AHRR: variants seen among roughly 807,000 people sequenced by gnomAD.
AHRR encodes ahR repressor.
AHRR carries 28 observed loss-of-function variants against 44.0 expected under a neutral mutation model. That is an observed-to-expected ratio of 0.64 (90% confidence interval 0.47 to 0.87). The LOEUF is 0.87. AHRR is among the 40% of genes least tolerant of loss of function. The probability of loss-of-function intolerance (pLI) is 0.00; values close to 1 mark genes in which losing one functional copy is unlikely to be tolerated. For synonymous variants in AHRR, 434 were observed against 407.0 expected (o/e 1.07, Z -0.80); for missense variants, 990 against 953.9 (o/e 1.04, Z -0.50).
intron 3 of AHRR, 120 bp from the exon 4 acceptor site, chr5:376,490 G>T: frequency 2.6e-5 from 1 of 38,862 alleles, no homozygotes. Flanking sequence ...GTGCAGCCCA[G>T]GCCAGATGTC....
At chr5:364,049 T>G (rs937916662) in intron 3 of AHRR, among the ~76,000 whole-genome samples, 7 of 152,354 alleles carry the variant, frequency 4.6e-5, no homozygotes, top group African/African-American at 1.4e-4. Flanking sequence ...ATTGGCTACT[T>G]AATGCAGTCT....
chr5:367,212 G>A (rs1435281176), intron 3 of AHRR, among the ~76,000 whole-genome samples: 2 of 152,236 alleles, frequency 1.3e-5, no homozygotes, highest in Non-Finnish European at 1.5e-5. Flanking sequence ...CACCCTGGAG[G>A]AGCTGGGGGG....
intron 7 of AHRR, among the ~76,000 whole-genome samples, chr5:427,245 G>A (rs1736457052): frequency 1.3e-5 from 2 of 152,214 alleles, no homozygotes; most frequent in African/African-American, 4.8e-5. Flanking sequence ...CCTTTGTAGA[G>A]AGATATTTTA....
intron 4 of AHRR, among the ~76,000 whole-genome samples, chr5:382,225 A>T (rs1734014178): frequency 6.6e-6 from 1 of 152,214 alleles, no homozygotes. Flanking sequence ...TTTCTGGAAG[A>T]CATTGTGTAG....
Position 406,532 on chromosome 5 carries a change from T to G in AHRR, c.352-6812T>G, listed in dbSNP as rs1358969150. On this transcript the variant is annotated intron_variant, in intron 4 of 10. Coordinates refer to ENST00000684583, the MANE Select transcript of AHRR (RefSeq NM_001377236.1). The surrounding 1 kb of genome is among the most constrained non-coding windows in gnomAD (Gnocchi z 4.7). ...GTCCACTTGTTCTTAGAAGGAAATT[T>G]CAGGAAAACGTTAAGAAACAGAAAA... Among the ~76,000 whole-genome samples, 1 of 152,184 alleles carries G rather than the reference T, an allele frequency of 6.6e-6. No individual in the cohort carries two copies. The highest frequency in any genetic ancestry group is 1.5e-5 in the Non-Finnish European group (1 of 68,022).
intron 3 of AHRR, among the ~76,000 whole-genome samples, chr5:373,047 G>T (rs77512435): frequency 6.6e-6 from 1 of 152,194 alleles, no homozygotes; most frequent in Non-Finnish European, 1.5e-5. Context: ...TTCCAAATGA[G>T]CCCCTTCTTG....
intron 1 of AHRR, among the ~76,000 whole-genome samples, chr5:334,188 T>G (rs1742038238): frequency 6.6e-6 from 1 of 152,182 alleles, no homozygotes; most frequent in Non-Finnish European, 1.5e-5. Flanking sequence ...TGGTGCACTG[T>G]GGTAGTGTCT....
intron 4 of AHRR, among the ~76,000 whole-genome samples, chr5:382,511 C>A (rs1393706501): frequency 6.6e-6 from 1 of 152,082 alleles, no homozygotes; most frequent in African/African-American, 2.4e-5. Flanking sequence ...TCTTTCATTT[C>A]ATTGGTAATT....
intron 3 of AHRR, among the ~76,000 whole-genome samples, chr5:374,400 AT>A (rs1478413006): frequency 6.6e-6 from 1 of 152,188 alleles, no homozygotes; most frequent in Non-Finnish European, 1.5e-5. Flanking sequence ...GAACACGCGT[AT>A]TGTGTGAACT....
rs531408152 is a variant in AHRR, at chr5:419,598, G to A, written c.442-3131G>A. Among the ~76,000 whole-genome samples, 13 of 152,236 alleles carry A rather than the reference G, an allele frequency of 8.5e-5. No individual in the cohort carries two copies. The highest frequency in any genetic ancestry group is 3.9e-4 in the East Asian group (2 of 5,188). ...ACTTCTAAAAAACTGGCCCTAAAACGTGTCAAGAGCTCGCACAGGAGTGTT... is the reference window on the plus strand; with the variant it reads ...ACTTCTAAAAAACTGGCCCTAAAACATGTCAAGAGCTCGCACAGGAGTGTT... On this transcript the variant is annotated intron_variant, in intron 5 of 10. Transcript: ENST00000684583. The surrounding 1 kb of genome is among the most constrained non-coding windows in gnomAD (Gnocchi z 4.4).
intron 1 of AHRR, among the ~76,000 whole-genome samples, chr5:330,282 T>C (rs767821280): frequency 1.3e-5 from 2 of 152,214 alleles, no homozygotes; most frequent in Non-Finnish European, 2.9e-5. Context: ...AATTTGCATA[T>C]GTTGAACCAT....
intron 3 of AHRR, among the ~76,000 whole-genome samples, chr5:360,635 A>T (rs1743147710): frequency 6.6e-6 from 1 of 152,206 alleles, no homozygotes. Context: ...TACCCCATGA[A>T]CAGAACACTG....
chr5:394,734 C>T lies in AHRR; in HGVS notation c.351+18018C>T, dbSNP rs72500000. On this transcript the variant is annotated intron_variant, in intron 4 of 10. Coordinates refer to ENST00000684583, the MANE Select transcript of AHRR (RefSeq NM_001377236.1). The stretch of plus-strand genomic sequence containing the variant: ...CTCTGGTCCCCGTGTGCGCTGGCTC[C>T]GATTGGGCCTGTGTGGGGCCGGACA... Among the ~76,000 whole-genome samples, 105 of 152,334 alleles carry T rather than the reference C, an allele frequency of 6.9e-4. No homozygotes were observed. The East Asian group carries it at 0.019, about 27-fold the overall frequency.
In AHRR at chr5:359,761, G is replaced by T. The variant is rs528991155; in HGVS notation, c.244+5850G>T. Among the ~76,000 whole-genome samples the T allele has an allele frequency of 2.0e-5, 3 of 152,180 alleles. No homozygotes were observed. The South Asian group carries it at 6.2e-4, about 32-fold the overall frequency. ...AGTCCTGGCTCTGAAGCCCACCCGG[G>T]CTGAACGGGCACATCCGCTTCACCC... is the stretch of plus-strand genomic sequence containing the variant. On this transcript the variant is annotated intron_variant, in intron 3 of 10. Coordinates refer to ENST00000684583, the MANE Select transcript of AHRR (RefSeq NM_001377236.1).
chr5:333,383 G>C (rs1742000593), intron 1 of AHRR, among the ~76,000 whole-genome samples: 1 of 152,204 alleles, frequency 6.6e-6, no homozygotes, highest in Non-Finnish European at 1.5e-5. Flanking sequence ...ATCACTTGAG[G>C]TCAGGAGTTC....
rs749586843 is a variant in AHRR at position 435,233 on chromosome 5, C to T, written c.*399C>T. The T allele has an allele frequency of 9.1e-5, 20 of 219,394 alleles. No homozygotes were observed. The highest frequency in any genetic ancestry group is 1.7e-4 in the Non-Finnish European group (18 of 109,064). The allele number at this position is 219,394 out of a possible 1,614,324, so 13.6% of individuals were successfully genotyped here. A position where few individuals can be genotyped will look rare whatever the true frequency, so the allele number is the denominator to read the frequency against. On this transcript the variant is annotated 3_prime_UTR_variant, in exon 11 of 11. Coordinates refer to ENST00000684583, the MANE Select transcript of AHRR (RefSeq NM_001377236.1). ...AGTCCGCAGTCGGGGATGAAGCGGT[C>T]GGGTGATGCTCCCAAGTCCGCAGTC... is the stretch of plus-strand genomic sequence containing the variant.
chr5:375,480 G>A (rs1332676538), intron 3 of AHRR, among the ~76,000 whole-genome samples: 3 of 152,196 alleles, frequency 2.0e-5, no homozygotes, highest in South Asian at 2.1e-4. Flanking sequence ...AAGCATGGCC[G>A]CCTGGGCTGT....
intron 5 of AHRR, chr5:420,858 A>G (rs1736063342): frequency 2.9e-6 from 1 of 340,590 alleles, no homozygotes; most frequent in Non-Finnish European, 5.7e-6. Flanking sequence ...AGACCCACGC[A>G]CGCAGCCACC....
chr5:414,941 A>T (rs1735653713), intron 5 of AHRR, among the ~76,000 whole-genome samples: 1 of 152,258 alleles, frequency 6.6e-6, no homozygotes, highest in Non-Finnish European at 1.5e-5. Context: ...AGATACAGCA[A>T]CAGAGGGGCA....
Sources: allele counts gnomAD v4.1 joint callset (sites outside exome capture counted in the v4.1 genomes callset), GRCh38; gene constraint gnomAD v4.1.1; non-coding constraint Gnocchi (gnomAD v3.1); transcripts MANE v1.5; gene names NCBI Gene and HGNC (gene_info 2026-07-23, HGNC 2026-07-21).